The following EYS variants were observed in gnomAD, a reference collection of about 807,000 sequenced individuals.
The protein encoded by EYS is protein eyes shut homolog.
In EYS, 250 loss-of-function variants were observed where a neutral mutation model predicts 282.1. That is an observed-to-expected ratio of 0.89 (90% confidence interval 0.80 to 0.98). The LOEUF is 0.98. EYS is among the 50% of genes least tolerant of loss of function. The pLI is 0.00. For missense variants in EYS, 4,016 were observed against 3,709.0 expected (o/e 1.08, Z -2.15); for synonymous variants, 1,355 against 1,282.9 (o/e 1.06, Z -1.20).
intron 26 of EYS, among the ~76,000 whole-genome samples, chr6:64,574,504 G>A (rs970956403): frequency 6.6e-6 from 1 of 152,102 alleles, no homozygotes; most frequent in African/African-American, 2.4e-5. Flanking sequence ...ATGTAATATT[G>A]ATAAGCATGG....
At chr6:64,698,257 C>A (rs1382824488) in intron 22 of EYS, among the ~76,000 whole-genome samples, 1 of 152,000 alleles carries the variant, frequency 6.6e-6, no homozygotes, top group African/African-American at 2.4e-5. Context: ...AACAACCTGC[C>A]ATTACCTCAA....
chr6:65,506,932 A>T (rs956277758), intron 2 of EYS, among the ~76,000 whole-genome samples: 1 of 152,166 alleles, frequency 6.6e-6, no homozygotes, highest in African/African-American at 2.4e-5. Flanking sequence ...ATCACCCAAT[A>T]TATGGTTATC....
chr6:65,638,573 A>T (rs1767170097), intron 2 of EYS, among the ~76,000 whole-genome samples: 1 of 152,264 alleles, frequency 6.6e-6, no homozygotes, highest in South Asian at 2.1e-4. Flanking sequence ...CCTCATCCAG[A>T]CACAGGTGCC....
At chr6:63,948,953 CTA>C (rs746033129) in intron 35 of EYS, among the ~76,000 whole-genome samples, 18 of 152,082 alleles carry the variant, frequency 1.2e-4, no homozygotes, top group Non-Finnish European at 1.9e-4. Flanking sequence ...TTTATCTTCC[CTA>C]TGTCTTATTA....
intron 30 of EYS, among the ~76,000 whole-genome samples, chr6:64,295,660 C>A (rs768779894): frequency 4.2e-4 from 62 of 147,530 alleles, no homozygotes; most frequent in South Asian, 1.4e-3. Flanking sequence ...ACCGAGAAGG[C>A]GGAGCTTGCA....
At chr6:65,427,676 TG>T (rs1767714362) in intron 5 of EYS, among the ~76,000 whole-genome samples, 1 of 152,112 alleles carries the variant, frequency 6.6e-6, no homozygotes, top group Admixed American at 6.6e-5. Flanking sequence ...GGCACCATTA[TG>T]GTGTAGAAGT....
chr6:65,026,886 C>T (rs1227091260), intron 13 of EYS, among the ~76,000 whole-genome samples: 1 of 143,082 alleles, frequency 7.0e-6, no homozygotes, highest in Non-Finnish European at 1.6e-5. Flanking sequence ...CATTGCACTC[C>T]AGCCTGGGCG....
chr6:64,320,633 C>A (rs561340502), intron 29 of EYS, among the ~76,000 whole-genome samples: 1 of 151,472 alleles, frequency 6.6e-6, no homozygotes, highest in South Asian at 2.1e-4. Flanking sequence ...ATTTTAAAGT[C>A]TTTTACGTTG....
intron 12 of EYS, among the ~76,000 whole-genome samples, chr6:65,222,758 A>G (rs1370481581): frequency 6.6e-6 from 1 of 152,250 alleles, no homozygotes; most frequent in African/African-American, 2.4e-5. Flanking sequence ...TGATTGAGTT[A>G]CAGAGAAAAA....
intron 22 of EYS, among the ~76,000 whole-genome samples, chr6:64,761,493 T>C (rs1259088628): frequency 6.6e-6 from 1 of 152,192 alleles, no homozygotes; most frequent in Non-Finnish European, 1.5e-5. Context: ...TTTATTTATT[T>C]ATTTTTGAGA....
intron 35 of EYS, among the ~76,000 whole-genome samples, chr6:63,871,011 A>G (rs1282345677): frequency 6.6e-6 from 1 of 152,140 alleles, no homozygotes; most frequent in Non-Finnish European, 1.5e-5. Context: ...TTCCTACTCT[A>G]TAGATAAAAT....
chr6:64,758,697 T>A (rs960863668), intron 22 of EYS, among the ~76,000 whole-genome samples: 3 of 152,232 alleles, frequency 2.0e-5, no homozygotes, highest in Admixed American at 1.3e-4. Flanking sequence ...CAGATTTCTT[T>A]TCTTTCATCA....
chr6:63,980,641 A>G (rs1232048654), intron 35 of EYS, among the ~76,000 whole-genome samples: 1 of 151,896 alleles, frequency 6.6e-6, no homozygotes, highest in Non-Finnish European at 1.5e-5. Context: ...CTGAATATTA[A>G]CACATCTTAT....
At chr6:63,760,726 A>G (rs1183619379) in intron 41 of EYS, among the ~76,000 whole-genome samples, 1 of 151,372 alleles carries the variant, frequency 6.6e-6, no homozygotes, top group African/African-American at 2.4e-5. Context: ...ACATCCATTC[A>G]TCTATCTTCA....
At chr6:63,763,439 G>A (rs1337376513) in intron 40 of EYS, among the ~76,000 whole-genome samples, 1 of 151,970 alleles carries the variant, frequency 6.6e-6, no homozygotes, top group Non-Finnish European at 1.5e-5. Context: ...TCCTGATATG[G>A]TTTGGCTGTG....
chr6:65,512,487 T>A (rs1378181381), intron 2 of EYS, among the ~76,000 whole-genome samples: 51 of 80,576 alleles, frequency 6.3e-4, no homozygotes, highest in Non-Finnish European at 8.9e-4. Flanking sequence ...AGCGAGACTC[T>A]ATCTCAAAAA....
At chr6:65,240,698 G>A (rs1328690550) in intron 12 of EYS, among the ~76,000 whole-genome samples, 2 of 152,112 alleles carry the variant, frequency 1.3e-5, no homozygotes, top group African/African-American at 4.8e-5. Context: ...TGGGTATCTA[G>A]GTTGATTCTA....
At chr6:65,660,615 A>G (rs545177921) in intron 1 of EYS, among the ~76,000 whole-genome samples, 85 of 151,928 alleles carry the variant, frequency 5.6e-4, no homozygotes, top group African/African-American at 2.0e-3. Flanking sequence ...TAAGGGAAAT[A>G]TATGTATACT....
intron 30 of EYS, among the ~76,000 whole-genome samples, chr6:64,296,571 TATATATATATATACATATATATATATA>T (rs1769011944): frequency 3.4e-4 from 3 of 8,804 alleles, no homozygotes; most frequent in African/African-American, 2.3e-3. Context: ...TATATATATA[TATATATATATATACATATATATATATA>T]TTTTTTTTTT....
Sources: allele counts gnomAD v4.1 joint callset (sites outside exome capture counted in the v4.1 genomes callset), GRCh38; gene constraint gnomAD v4.1.1; transcripts MANE v1.5; gene names NCBI Gene and HGNC (gene_info 2026-07-23, HGNC 2026-07-21).